Variants in AASS observed in about 807,000 individuals in gnomAD.
AASS encodes the protein alpha-aminoadipic semialdehyde synthase, mitochondrial.
AASS carries 86 observed loss-of-function variants against 105.4 expected under a neutral mutation model. The ratio of observed to expected loss-of-function variants is 0.82; its 90% CI spans 0.69 to 0.98. The LOEUF is 0.98. Among genes scored for constraint, AASS ranks in the 50% least tolerant of loss-of-function variants. The probability of loss-of-function intolerance (pLI) is 0.00; values close to 1 mark genes in which losing one functional copy is unlikely to be tolerated. For synonymous variants in AASS, 381 were observed against 394.8 expected (o/e 0.96, Z 0.41); for missense variants, 1,048 against 1,143.2 (o/e 0.92, Z 1.20).
rs2150507371 is a variant in AASS at position 122,079,701 on chromosome 7, G to A, written c.2292C>T (p.Leu764=). ...AGGGTGAAATCCCAACTAGGTCACA[G>A]AGGAGTTGTTTCTGGTTAGAAAAAG... ...EANPLTWKQL[L]CDLVGISPSS... is the part of the protein sequence containing the mutation. The change falls in exon 21 of 24, where the codon CTC becomes CTT. Residue 764 remains leucine (L), a synonymous_variant. Coordinates refer to ENST00000417368, the MANE Select transcript of AASS (RefSeq NM_005763.4). The A allele has an allele frequency of 3.7e-6, 6 of 1,612,572 alleles. No homozygotes were observed. The highest frequency in any genetic ancestry group is 1.3e-5 in the African/African-American group (1 of 74,998).
Position 122,086,079 on chromosome 7 carries a change from G to T in AASS, c.2117C>A (p.Thr706Lys), listed in dbSNP as rs147491865. The T allele has an allele frequency of 3.1e-6, 5 of 1,613,444 alleles. No homozygotes were observed. Among genetic ancestry groups the T allele is most frequent in the Non-Finnish European group, 4.2e-6 (5 of 1,179,744 alleles). ...AATGCCATAAATCTCAGCATATTTC[G>T]TACTGTCTCTGTTAGGATAGCCTTC... ...NLEGYPNRDS[T>K]KYAEIYGISS... The change falls in exon 19 of 24, where the codon ACG becomes AAG. Residue 706 changes from threonine (T) to lysine (K), a missense_variant. Coordinates refer to ENST00000417368, the MANE Select transcript of AASS (RefSeq NM_005763.4).
chr7:122,129,860 A>T (rs1795831074), intron 2 of AASS, among the ~76,000 whole-genome samples: 1 of 152,184 alleles, frequency 6.6e-6, no homozygotes, highest in Admixed American at 6.5e-5. Flanking sequence ...TTGTACCAAC[A>T]GTACACTGAA....
intron 18 of AASS, 67 bp downstream of exon 18, chr7:122,091,636 G>A: frequency 6.2e-7 from 1 of 1,610,152 alleles, no homozygotes; most frequent in South Asian, 1.1e-5. Flanking sequence ...TGGGATCAGG[G>A]AGTATTTAGA....
intron 19 of AASS, among the ~76,000 whole-genome samples, chr7:122,084,611 G>A (rs959016336): frequency 4.6e-5 from 7 of 151,914 alleles, no homozygotes; most frequent in Non-Finnish European, 8.8e-5. Context: ...TAAAACCATG[G>A]TTACCAGGGG....
chr7:122,135,178 A>T (rs2150555004), intron 1 of AASS, among the ~76,000 whole-genome samples: 1 of 152,038 alleles, frequency 6.6e-6, no homozygotes, highest in Admixed American at 6.5e-5. Flanking sequence ...AATGTAAATG[A>T]CGAGTTAACG....
intron 4 of AASS, among the ~76,000 whole-genome samples, chr7:122,125,954 G>C (rs1017617946): frequency 1.3e-4 from 20 of 152,178 alleles, no homozygotes; most frequent in Non-Finnish European, 2.1e-4. Context: ...ATCTGAAACA[G>C]AGCTACAACA....
rs894940600 is a variant in AASS, at chr7:122,144,186, G to T, written c.-41C>A. The T allele has an allele frequency of 6.6e-6, 1 of 152,406 alleles. No homozygotes were observed. The highest frequency in any genetic ancestry group is 1.5e-5 in the Non-Finnish European group (1 of 68,210). 9.4% of individuals were successfully genotyped at this position (152,406 alleles called of 1,614,324 possible). On this transcript the variant is annotated 5_prime_UTR_variant, in exon 1 of 24. Coordinates refer to ENST00000417368, the MANE Select transcript of AASS (RefSeq NM_005763.4). ...CTCGTCCGCTCTGGGGCGCCGACTT[G>T]TCCCCCGCCGCCTCGAATCTTCCGA...
At position 122,091,735 on chromosome 7, in the gene AASS, T is replaced by C; in HGVS notation, c.1984A>G (p.Met662Val). 1 of 1,613,530 alleles carries C rather than the reference T, an allele frequency of 6.2e-7. No homozygotes were observed. Residue 662 changes from methionine (M) to valine (V), a missense_variant, in exon 18 of 24, where the codon ATG (methionine) becomes GTG (valine). Coordinates refer to ENST00000417368, the MANE Select transcript of AASS (RefSeq NM_005763.4). ...TCGAGCAGATAGGTGGCAGACTGCA[T>C]TACATTCATCAAAACTCCCACTGGA... ...WSPVGVLMNVMQSATYLLDGK... is the reference protein window; with the variant it reads ...WSPVGVLMNVVQSATYLLDGK...
At chr7:122,082,246 T>C (rs1793374360) in intron 19 of AASS, among the ~76,000 whole-genome samples, 1 of 152,138 alleles carries the variant, frequency 6.6e-6, no homozygotes. Context: ...GTATATTATA[T>C]AAAACCCATC....
intron 1 of AASS, among the ~76,000 whole-genome samples, chr7:122,134,766 C>T (rs1251448303): frequency 9.8e-3 from 1 of 102 alleles, no homozygotes; most frequent in Non-Finnish European, 0.021. Flanking sequence ...CCAGCCATCT[C>T]ATTACTGGTA....
intron 4 of AASS, among the ~76,000 whole-genome samples, chr7:122,124,472 G>A (rs1478189891): frequency 2.0e-5 from 3 of 152,114 alleles, no homozygotes; most frequent in Non-Finnish European, 2.9e-5. Context: ...TAGTAGAGAA[G>A]GGGTTTCACC....
chr7:122,092,052 G>A (rs1213609915), intron 17 of AASS, among the ~76,000 whole-genome samples: 1 of 151,750 alleles, frequency 6.6e-6, no homozygotes, highest in Admixed American at 6.6e-5. Context: ...TAAAAAAACT[G>A]TAAAAATAGT....
intron 1 of AASS, among the ~76,000 whole-genome samples, chr7:122,136,911 GAC>G (rs1226143175): frequency 6.6e-6 from 1 of 152,038 alleles, no homozygotes; most frequent in Non-Finnish European, 1.5e-5. Flanking sequence ...GAAAGCAGTA[GAC>G]ACACACACAG....
At chr7:122,116,033 G>T (rs1212173224) in intron 8 of AASS, among the ~76,000 whole-genome samples, 2 of 151,858 alleles carry the variant, frequency 1.3e-5, no homozygotes, top group Non-Finnish European at 2.9e-5. Context: ...TGTATTTTTT[G>T]GTTTGTTAGT....
In AASS at chr7:122,108,403, A is replaced by G. The variant is rs73442860; in HGVS notation, c.1278+4715T>C. Reference sequence around the variant, plus strand: ...AACTTCAGGCCAATATCCCTGAAGAACATAGATACAAAAATTTTCAACAAA... The same window carrying G: ...AACTTCAGGCCAATATCCCTGAAGAGCATAGATACAAAAATTTTCAACAAA... On this transcript the variant is annotated intron_variant, in intron 11 of 23. Coordinates refer to ENST00000417368, the MANE Select transcript of AASS (RefSeq NM_005763.4). 4.3e-3 allele frequency among the ~76,000 whole-genome samples: 651 copies of G among 152,286 alleles called. 7 individuals carry two copies. Among genetic ancestry groups the G allele is most frequent in the African/African-American group, 0.015 (621 of 41,572 alleles).
At chr7:122,089,305 C>G (rs1050691699) in intron 18 of AASS, among the ~76,000 whole-genome samples, 1 of 152,106 alleles carries the variant, frequency 6.6e-6, no homozygotes, top group Non-Finnish European at 1.5e-5. Flanking sequence ...TGATTCAGTT[C>G]AGGCAAAATA....
At chr7:122,077,662 AC>A (rs1793087094) in intron 23 of AASS, among the ~76,000 whole-genome samples, 175 bp downstream of exon 23, 1 of 152,222 alleles carries the variant, frequency 6.6e-6, no homozygotes. Context: ...TCCAAAGCCC[AC>A]ATGCTTTACT....
intron 3 of AASS, among the ~76,000 whole-genome samples, chr7:122,127,314 A>G (rs1795703014): frequency 6.6e-6 from 1 of 152,088 alleles, no homozygotes; most frequent in Non-Finnish European, 1.5e-5. Context: ...GTGTATTGTA[A>G]TTATACACTA....
intron 4 of AASS, 129 bp downstream of exon 4, chr7:122,126,246 G>A (rs1327322860): frequency 1.2e-6 from 1 of 822,954 alleles, no homozygotes; most frequent in South Asian, 1.3e-5. Flanking sequence ...TCATCCTTCA[G>A]CATACCTTCA....
Sources: allele counts gnomAD v4.1 joint callset (sites outside exome capture counted in the v4.1 genomes callset), GRCh38; gene constraint gnomAD v4.1.1; transcripts MANE v1.5; gene names NCBI Gene and HGNC (gene_info 2026-07-23, HGNC 2026-07-21).